The following TAB2 variants were observed in gnomAD, a reference collection of about 807,000 sequenced individuals.
TAB2 encodes TGF-beta-activated kinase 1 and MAP3K7-binding protein 2.
Under a neutral mutation model 65.0 loss-of-function variants are expected in TAB2, and 3 were observed. The observed-to-expected ratio is 0.05, with a 90% CI of 0.02 to 0.12. The LOEUF (loss-of-function observed/expected upper bound fraction) is 0.12, where lower values mean the gene tolerates loss of function less well. TAB2 is among the 10% of genes least tolerant of loss of function. The pLI is 1.00. For synonymous variants in TAB2, 298 were observed against 285.1 expected, an observed-to-expected ratio of 1.05 and a Z score of -0.46; for missense variants, 623 against 840.3, an observed-to-expected ratio of 0.74 and a Z score of 3.20.
At chr6:149,355,131 G>A (rs947211777) in intron 1 of TAB2, among the ~76,000 whole-genome samples, 21 of 152,122 alleles carry the variant, frequency 1.4e-4, no homozygotes, top group Admixed American at 1.1e-3. Context: ...CCCATGATGC[G>A]CCGCCCCTAT....
intron 1 of TAB2, among the ~76,000 whole-genome samples, chr6:149,237,652 A>C (rs1299443745): frequency 1.3e-5 from 2 of 152,124 alleles, no homozygotes; most frequent in Non-Finnish European, 2.9e-5. Context: ...GCCTCACCTC[A>C]GTGGCTGGCA....
In TAB2 at chr6:149,329,422, G is replaced by A. The variant is rs551584962; in HGVS notation, c.-90+11407G>A. ...TGTGATGGTGATGTTCACCATTACA[G>A]AACAGACCAGGGTTGCAACAGGTGA... On this transcript the variant is annotated intron_variant, in intron 1 of 6. Transcript: ENST00000637181. Among the ~76,000 whole-genome samples, 171 of 152,326 alleles carry A rather than the reference G, an allele frequency of 1.1e-3. 1 individual carries two copies. Among genetic ancestry groups the A allele is most frequent in the Non-Finnish European group, 1.7e-3 (116 of 68,016 alleles).
rs1475054982 is a variant in TAB2 at position 149,370,132 on chromosome 6, A to G, written c.102+33A>G. 4 of 1,552,334 alleles carry G rather than the reference A, an allele frequency of 2.6e-6. No homozygotes were observed. In the South Asian group the frequency reaches 3.3e-5, roughly 13 times the overall value. ...TTCAATGATTTCTGAATTTGTTAATACAAACCTGGTATTTTTTTAAACATT... is the reference window on the plus strand; with the variant it reads ...TTCAATGATTTCTGAATTTGTTAATGCAAACCTGGTATTTTTTTAAACATT... On this transcript the variant is annotated intron_variant, in intron 2 of 6. Transcript: ENST00000637181.
Position 149,290,684 on chromosome 6 carries a change from A to G in TAB2, c.-121+71908A>G, listed in dbSNP as rs1009723062. On this transcript the variant is annotated intron_variant, in intron 1 of 1. Transcript: ENST00000606202. ...CATGGCAAGATCCCGTCTCTACTAA[A>G]AAGACAAAAAAATAGCCAGGTGGGG... 3.3e-5 allele frequency among the ~76,000 whole-genome samples: 5 copies of G among 152,256 alleles called. No homozygotes were observed. In the East Asian group the frequency reaches 7.7e-4, roughly 24 times the overall value.
chr6:149,293,867 C>T (rs754832460), intron 1 of TAB2, among the ~76,000 whole-genome samples: 1 of 151,934 alleles, frequency 6.6e-6, no homozygotes, highest in Non-Finnish European at 1.5e-5. Context: ...ACTATGAAAC[C>T]TCAATTGATC....
At chr6:149,395,184 A>G (rs906235809) in intron 3 of TAB2, among the ~76,000 whole-genome samples, 22 of 152,264 alleles carry the variant, frequency 1.4e-4, no homozygotes, top group African/African-American at 5.1e-4. Flanking sequence ...CATCTGACAC[A>G]TAGACCCTCA....
chr6:149,321,572 C>T (rs982938143), intron 1 of TAB2, among the ~76,000 whole-genome samples: 1 of 152,150 alleles, frequency 6.6e-6, no homozygotes, highest in African/African-American at 2.4e-5. Context: ...CATTCAGCCT[C>T]CTAGGAAAAG....
At chr6:149,241,260 A>G (rs1777592213) in intron 1 of TAB2, among the ~76,000 whole-genome samples, 1 of 152,202 alleles carries the variant, frequency 6.6e-6, no homozygotes, top group African/African-American at 2.4e-5. Context: ...GCAGACTAAA[A>G]CAATAGATTT....
intron 1 of TAB2, among the ~76,000 whole-genome samples, chr6:149,347,629 T>C (rs1215428303): frequency 6.6e-6 from 1 of 152,170 alleles, no homozygotes; most frequent in African/African-American, 2.4e-5. Context: ...TATAGTTACC[T>C]CATTTTTATC....
intron 1 of TAB2, among the ~76,000 whole-genome samples, chr6:149,260,131 C>T (rs1778121554): frequency 6.6e-6 from 1 of 152,198 alleles, no homozygotes; most frequent in African/African-American, 2.4e-5. Flanking sequence ...TAAAATATCA[C>T]ACATGGCCAC....
chr6:149,241,711 G>A (rs1267951217), intron 1 of TAB2, among the ~76,000 whole-genome samples: 2 of 152,158 alleles, frequency 1.3e-5, no homozygotes, highest in Non-Finnish European at 2.9e-5. Flanking sequence ...TACGCTATCT[G>A]GAATGATTTA....
chr6:149,307,964 C>G (rs75266046), intron 1 of TAB2, among the ~76,000 whole-genome samples: 5,734 of 152,138 alleles, frequency 0.038, 381 homozygotes, highest in African/African-American at 0.13. Context: ...AAAATGGGAT[C>G]ATAGTATTTT....
chr6:149,393,105 C>T (rs1031927363), intron 3 of TAB2, among the ~76,000 whole-genome samples: 1 of 152,074 alleles, frequency 6.6e-6, no homozygotes, highest in Non-Finnish European at 1.5e-5. Flanking sequence ...AATTCAGCCA[C>T]TTAGAAGAAA....
chr6:149,377,485 G>A (rs149329279), intron 2 of TAB2, among the ~76,000 whole-genome samples: 37 of 152,086 alleles, frequency 2.4e-4, no homozygotes, highest in Admixed American at 2.3e-3. Flanking sequence ...AAGAGGAAGC[G>A]TGTGAAGGAT....
chr6:149,326,784 G>A (rs1446510849), intron 1 of TAB2, among the ~76,000 whole-genome samples: 3 of 152,122 alleles, frequency 2.0e-5, no homozygotes, highest in African/African-American at 7.2e-5. Context: ...CTGACCTCAG[G>A]TGATCCACCC....
At chr6:149,247,027 C>A in intron 1 of TAB2, 1 of 153,126 alleles carries the variant, frequency 6.5e-6, no homozygotes. Flanking sequence ...TGCTGCTCTG[C>A]CCTCACCACC....
upstream of TAB2, among the ~76,000 whole-genome samples, chr6:149,316,392 A>G (rs960154265): frequency 6.6e-6 from 1 of 152,220 alleles, no homozygotes; most frequent in Admixed American, 6.5e-5. Flanking sequence ...TATTTAAAAG[A>G]TGGTTTAAAA....
intron 1 of TAB2, among the ~76,000 whole-genome samples, chr6:149,310,620 T>A (rs1445856299): frequency 6.6e-6 from 1 of 152,144 alleles, no homozygotes; most frequent in Non-Finnish European, 1.5e-5. Context: ...AAGTCTTTTG[T>A]ATGTTGATTG....
intron 1 of TAB2, among the ~76,000 whole-genome samples, chr6:149,231,168 T>C (rs1777398278): frequency 6.6e-6 from 1 of 152,200 alleles, no homozygotes; most frequent in Non-Finnish European, 1.5e-5. Context: ...CTTCTGAACT[T>C]TTACACCAGT....
Sources: allele counts gnomAD v4.1 joint callset (sites outside exome capture counted in the v4.1 genomes callset), GRCh38; gene constraint gnomAD v4.1.1; transcripts MANE v1.5; gene names NCBI Gene and HGNC (gene_info 2026-07-23, HGNC 2026-07-21).